MACC1: variants seen among roughly 807,000 people sequenced by gnomAD.
MACC1 encodes MET transcriptional regulator MACC1.
MACC1 carries 79 observed loss-of-function variants against 70.7 expected under a neutral mutation model. The observed-to-expected ratio is 1.12, with a 90% CI of 0.93 to 1.35. The LOEUF (loss-of-function observed/expected upper bound fraction) is 1.35, where lower values mean the gene tolerates loss of function less well. Ranked by LOEUF, MACC1 falls within the 40% of genes most tolerant of loss-of-function variation. The pLI, the probability that MACC1 is intolerant of heterozygous loss-of-function variation, is 0.00. For missense variants in MACC1, 1,106 were observed against 978.1 expected, an observed-to-expected ratio of 1.13 and a Z score of -1.74; for synonymous variants, 361 against 347.2, an observed-to-expected ratio of 1.04 and a Z score of -0.44.
intron 1 of MACC1, among the ~76,000 whole-genome samples, chr7:20,196,558 A>C (rs1782756925): frequency 6.6e-6 from 1 of 152,116 alleles, no homozygotes; most frequent in Admixed American, 6.5e-5. Context: ...GTATAAATTT[A>C]TAACAATGGG....
At chr7:20,206,084 T>A (rs995727012) in intron 1 of MACC1, among the ~76,000 whole-genome samples, 1 of 151,672 alleles carries the variant, frequency 6.6e-6, no homozygotes, top group South Asian at 2.1e-4. Context: ...ATTATCGTCA[T>A]CTGCTTGGTA....
intron 1 of MACC1, among the ~76,000 whole-genome samples, chr7:20,203,421 G>A (rs1782861024): frequency 6.6e-6 from 1 of 152,200 alleles, no homozygotes; most frequent in African/African-American, 2.4e-5. Context: ...TGATGATGAT[G>A]ATGGTGTGTG....
chr7:20,182,011 A>T (rs1782516603), intron 1 of MACC1, among the ~76,000 whole-genome samples: 1 of 152,018 alleles, frequency 6.6e-6, no homozygotes, highest in Non-Finnish European at 1.5e-5. Flanking sequence ...CTATGCAGCC[A>T]TAAAAAAGGA....
chr7:20,215,119 G>T lies in MACC1; in HGVS notation c.-218+2180C>A, dbSNP rs571469726. On this transcript the variant is annotated intron_variant, in intron 1 of 6. Coordinates refer to ENST00000400331, the MANE Select transcript of MACC1 (RefSeq NM_182762.4). Reference sequence around the variant, plus strand: ...ATTTATTTATTTATTTATTTATTTGGTCTCCAGTAATTATAGTTGAAAGAA... The same window carrying T: ...ATTTATTTATTTATTTATTTATTTGTTCTCCAGTAATTATAGTTGAAAGAA... Among the ~76,000 whole-genome samples, 20 of 146,824 alleles carry T rather than the reference G, an allele frequency of 1.4e-4. 1 individual carries two copies. The South Asian group carries it at 4.1e-3, about 30-fold the overall frequency.
At chr7:20,211,372 G>T (rs928526988) in intron 1 of MACC1, among the ~76,000 whole-genome samples, 3 of 152,064 alleles carry the variant, frequency 2.0e-5, no homozygotes, top group Non-Finnish European at 4.4e-5. Context: ...TGATTAATAT[G>T]ATTAATACTA....
At chr7:20,153,567 T>C (rs1782011993) in intron 6 of MACC1, 1 of 152,226 alleles carries the variant, frequency 6.6e-6, no homozygotes, top group South Asian at 2.1e-4. Context: ...TGTGTTTAAC[T>C]TGTGCCTAAC....
intron 1 of MACC1, among the ~76,000 whole-genome samples, chr7:20,181,708 T>G (rs1174782766): frequency 2.0e-5 from 3 of 152,164 alleles, no homozygotes; most frequent in Non-Finnish European, 2.9e-5. Context: ...ATTTGCATTT[T>G]AAAAGGTACA....
intron 1 of MACC1, among the ~76,000 whole-genome samples, chr7:20,215,206 C>T (rs1275517632): frequency 6.6e-6 from 1 of 152,104 alleles, no homozygotes; most frequent in Non-Finnish European, 1.5e-5. Context: ...TGTGGAGTGA[C>T]TCTATGAACA....
intron 1 of MACC1, among the ~76,000 whole-genome samples, chr7:20,180,382 G>T (rs547728093): frequency 3.9e-4 from 59 of 151,122 alleles, no homozygotes; most frequent in African/African-American, 1.3e-3. Flanking sequence ...GGAGGAGGTT[G>T]CAGTGAGCCG....
intron 1 of MACC1, among the ~76,000 whole-genome samples, chr7:20,180,038 T>A (rs1396205350): frequency 6.6e-6 from 1 of 152,208 alleles, no homozygotes; most frequent in African/African-American, 2.4e-5. Context: ...CTGAAGCTGC[T>A]CATCTTGATC....
intron 1 of MACC1, among the ~76,000 whole-genome samples, chr7:20,198,161 C>T (rs1156659305): frequency 6.6e-6 from 1 of 152,130 alleles, no homozygotes; most frequent in African/African-American, 2.4e-5. Flanking sequence ...ATCTGGAGAT[C>T]CCTGAGGGCA....
intron 1 of MACC1, among the ~76,000 whole-genome samples, chr7:20,198,858 T>C (rs1782791231): frequency 6.6e-6 from 1 of 152,114 alleles, no homozygotes. Context: ...GGCAAAACAA[T>C]GAAGACTCAA....
chr7:20,177,060 G>A (rs1782404208), intron 1 of MACC1, among the ~76,000 whole-genome samples: 1 of 152,106 alleles, frequency 6.6e-6, no homozygotes, highest in Admixed American at 6.5e-5. Flanking sequence ...TACACACCTT[G>A]TACAAGTGTC....
intron 1 of MACC1, among the ~76,000 whole-genome samples, chr7:20,203,667 T>A (rs2128108571): frequency 6.6e-6 from 1 of 152,316 alleles, no homozygotes; most frequent in Non-Finnish European, 1.5e-5. Flanking sequence ...CACAAAATCC[T>A]CTCAGTGTTC....
chr7:20,205,436 G>A (rs553816116), intron 1 of MACC1, among the ~76,000 whole-genome samples: 8 of 152,120 alleles, frequency 5.3e-5, no homozygotes, highest in Non-Finnish European at 8.8e-5. Context: ...TTGATCTGTG[G>A]TGTGGTCTGA....
intron 1 of MACC1, among the ~76,000 whole-genome samples, chr7:20,197,369 A>T (rs1782769552): frequency 6.6e-6 from 1 of 152,096 alleles, no homozygotes; most frequent in South Asian, 2.1e-4. Flanking sequence ...TCTCTATTGG[A>T]TACCAATTTC....
chr7:20,173,326 A>T (rs1782340390), intron 1 of MACC1, among the ~76,000 whole-genome samples: 1 of 152,244 alleles, frequency 6.6e-6, no homozygotes, highest in Non-Finnish European at 1.5e-5. Context: ...TATGTGCTAG[A>T]CATAGGATTT....
chr7:20,184,929 G>A (rs1244618926), intron 1 of MACC1: 1 of 151,958 alleles, frequency 6.6e-6, no homozygotes, highest in Admixed American at 6.6e-5. Flanking sequence ...ATAAATGTAT[G>A]CAATTTAAAC....
At chr7:20,141,753 C>G (rs1781807232) in intron 6 of MACC1, among the ~76,000 whole-genome samples, 1 of 152,062 alleles carries the variant, frequency 6.6e-6, no homozygotes, top group Admixed American at 6.6e-5. Context: ...CTCAGTGCTG[C>G]TTCTTTTTGC....
Sources: allele counts gnomAD v4.1 joint callset (sites outside exome capture counted in the v4.1 genomes callset), GRCh38; gene constraint gnomAD v4.1.1; transcripts MANE v1.5; gene names NCBI Gene and HGNC (gene_info 2026-07-23, HGNC 2026-07-21).